Variants in STXBP4 observed in about 807,000 individuals in gnomAD.
STXBP4 encodes syntaxin binding protein 4.
In STXBP4, 55 loss-of-function variants were observed where a neutral mutation model predicts 76.1. The observed-to-expected ratio is 0.72, with a 90% CI of 0.58 to 0.91. The LOEUF is 0.91. STXBP4 is among the 40% of genes least tolerant of loss of function. STXBP4 has a pLI of 0.00. For missense variants in STXBP4, 618 were observed against 636.9 expected (o/e 0.97, Z 0.32); for synonymous variants, 201 against 220.2 (o/e 0.91, Z 0.77).
intron 16 of STXBP4, among the ~76,000 whole-genome samples, chr17:55,120,917 C>T (rs2079836722): frequency 6.6e-6 from 1 of 152,122 alleles, no homozygotes; most frequent in Admixed American, 6.6e-5. Context: ...CTAGCCCTTG[C>T]ACACAGAAGT....
chr17:55,111,141 T>G (rs966519281), intron 16 of STXBP4, among the ~76,000 whole-genome samples: 6 of 152,132 alleles, frequency 3.9e-5, no homozygotes, highest in Non-Finnish European at 7.4e-5. Context: ...CTTCCAGATT[T>G]CCCTACAGTC....
chr17:55,182,853 T>C, the STXBP4 span, among the ~76,000 whole-genome samples: 4 of 152,088 alleles, frequency 2.6e-5, no homozygotes, highest in East Asian at 7.7e-4. Flanking sequence ...CTGGCAATAA[T>C]GGCTTTTAAG....
At chr17:55,072,661 A>T (rs1414727419) in intron 12 of STXBP4, among the ~76,000 whole-genome samples, 1 of 152,156 alleles carries the variant, frequency 6.6e-6, no homozygotes, top group Non-Finnish European at 1.5e-5. Context: ...TCAAAATGTT[A>T]TGCTAGGTAT....
At chr17:55,200,127 G>A in the STXBP4 span, among the ~76,000 whole-genome samples, 2 of 152,140 alleles carry the variant, frequency 1.3e-5, no homozygotes, top group East Asian at 3.9e-4. Flanking sequence ...TTTGGTCTTT[G>A]TCTTCTAGTA....
chr17:55,195,347 A>G, the STXBP4 span, among the ~76,000 whole-genome samples: 1 of 152,178 alleles, frequency 6.6e-6, no homozygotes, highest in African/African-American at 2.4e-5. Flanking sequence ...GCTTACCCCA[A>G]ATGGGAACAT....
In STXBP4 at chr17:54,969,360, G is replaced by T. The variant is rs114988958; in HGVS notation, c.-157+545G>T. On this transcript the variant is annotated intron_variant, in intron 1 of 17. Coordinates refer to ENST00000376352, the MANE Select transcript of STXBP4 (RefSeq NM_178509.6). ...AGTTGTCCCACAGGACGAACTCGAG[G>T]GGGGCAGACAGCATAGCGGATTTTA... 7.3e-3 allele frequency among the ~76,000 whole-genome samples: 1,113 copies of T among 152,308 alleles called. 13 individuals carry two copies. The highest frequency in any genetic ancestry group is 0.025 in the African/African-American group (1,056 of 41,552).
chr17:55,096,124 A>G (rs1434703960), intron 16 of STXBP4, among the ~76,000 whole-genome samples: 1 of 151,980 alleles, frequency 6.6e-6, no homozygotes, highest in East Asian at 1.9e-4. Flanking sequence ...CTCTGTAACT[A>G]TAGGTTTATG....
At chr17:54,994,379 A>G (rs1174547265) in intron 4 of STXBP4, among the ~76,000 whole-genome samples, 1 of 152,134 alleles carries the variant, frequency 6.6e-6, no homozygotes. Context: ...ACATCACACC[A>G]TATTCTGCTC....
the STXBP4 span, among the ~76,000 whole-genome samples, chr17:55,186,427 A>T: frequency 6.6e-6 from 1 of 152,258 alleles, no homozygotes; most frequent in Non-Finnish European, 1.5e-5. Flanking sequence ...GCAAATTTGA[A>T]AAAACTTGGT....
the STXBP4 span, among the ~76,000 whole-genome samples, chr17:55,182,677 A>C: frequency 2.6e-5 from 4 of 152,208 alleles, no homozygotes; most frequent in South Asian, 6.2e-4. Flanking sequence ...TAAAACTTCT[A>C]ATAAACAAAG....
the STXBP4 span, among the ~76,000 whole-genome samples, chr17:55,200,817 G>A: frequency 5.9e-5 from 9 of 152,158 alleles, no homozygotes; most frequent in African/African-American, 2.2e-4. Flanking sequence ...TATTTTCAGT[G>A]TATATTTTTA....
chr17:54,986,378 G>A, intron 3 of STXBP4, 112 bp downstream of exon 3: 1 of 725,152 alleles, frequency 1.4e-6, no homozygotes, highest in East Asian at 2.7e-5. Flanking sequence ...GTCTAGGATA[G>A]CAGCAATGAG....
intron 4 of STXBP4, among the ~76,000 whole-genome samples, chr17:54,997,577 A>AAT (rs952789877): frequency 9.6e-5 from 14 of 145,416 alleles, no homozygotes; most frequent in Admixed American, 3.5e-4. Context: ...ATATAATATA[A>AAT]ATATATATAT....
At chr17:55,122,545 G>T (rs1413005882) in intron 16 of STXBP4, among the ~76,000 whole-genome samples, 1 of 152,180 alleles carries the variant, frequency 6.6e-6, no homozygotes, top group Non-Finnish European at 1.5e-5. Flanking sequence ...AAAGCAAAAA[G>T]TTGAGTTGGA....
chr17:55,039,136 A>G (rs1487227586), intron 10 of STXBP4, among the ~76,000 whole-genome samples: 1 of 152,186 alleles, frequency 6.6e-6, no homozygotes, highest in Non-Finnish European at 1.5e-5. Flanking sequence ...CATGTGCCCA[A>G]ATAATTATAG....
chr17:54,984,721 G>C (rs1214950472), intron 1 of STXBP4, among the ~76,000 whole-genome samples: 1 of 152,124 alleles, frequency 6.6e-6, no homozygotes, highest in Non-Finnish European at 1.5e-5. Context: ...ATCAGTTGCT[G>C]ATGTGCTGAT....
At chr17:55,099,952 CAA>C (rs2145011546) in intron 16 of STXBP4, among the ~76,000 whole-genome samples, 1 of 152,104 alleles carries the variant, frequency 6.6e-6, no homozygotes, top group South Asian at 2.1e-4. Flanking sequence ...AGACTACAGA[CAA>C]AGTTTCCTGT....
At chr17:55,007,264 G>A (rs962452529) in intron 7 of STXBP4, among the ~76,000 whole-genome samples, 5 of 151,692 alleles carry the variant, frequency 3.3e-5, no homozygotes, top group African/African-American at 9.7e-5. Context: ...ACTTGAACCC[G>A]GGAGGCAGAC....
In STXBP4 at chr17:55,016,756, T is replaced by G. The variant is rs532453552; in HGVS notation, c.666+9159T>G. Among the ~76,000 whole-genome samples, 44 of 152,324 alleles carry G rather than the reference T, an allele frequency of 2.9e-4. 1 individual carries two copies. Among genetic ancestry groups the G allele is most frequent in the Middle Eastern group, 6.8e-3 (2 of 294 alleles). ...CTGTAAGGAAATCTGCTGGGTTAAG[T>G]GAACTATCAGTGGTGTTAAATTACC... On this transcript the variant is annotated intron_variant, in intron 8 of 17. Coordinates refer to ENST00000376352, the MANE Select transcript of STXBP4 (RefSeq NM_178509.6).
Sources: allele counts gnomAD v4.1 joint callset (sites outside exome capture counted in the v4.1 genomes callset), GRCh38; gene constraint gnomAD v4.1.1; transcripts MANE v1.5; gene names NCBI Gene and HGNC (gene_info 2026-07-23, HGNC 2026-07-21).